ERI1: variants seen among roughly 807,000 people sequenced by gnomAD.
The protein encoded by ERI1 is 3'-5' exoribonuclease 1.
In ERI1, 39 loss-of-function variants were observed where a neutral mutation model predicts 39.7. The observed-to-expected ratio is 0.98, with a 90% CI of 0.76 to 1.28. ERI1 has a LOEUF of 1.28. ERI1 is among the 50% of genes most tolerant of loss of function. The probability of loss-of-function intolerance (pLI) is 0.00; values close to 1 mark genes in which losing one functional copy is unlikely to be tolerated. For missense variants in ERI1, 581 were observed against 416.9 expected (o/e 1.39, Z -3.43); for synonymous variants, 204 against 149.6 (o/e 1.36, Z -2.65).
At chr8:9,011,796 A>T (rs199637353) in intron 3 of ERI1, 44 bp downstream of exon 3, 13 of 1,452,672 alleles carry the variant, frequency 8.9e-6, no homozygotes, top group Non-Finnish European at 1.2e-5. Context: ...AGCAGCAACT[A>T]TTCTGGTGTT....
chr8:9,008,122 G>C lies in ERI1; in HGVS notation c.261G>C (p.Lys87Asn). The part of the protein sequence containing the change: ...NRMSKEELRA[K>N]LSEFKLETRG... ...TGAGTAAGGAAGAACTCAGAGCTAA[G>C]CTTTCAGAATTCAAGCTTGAAACTA... The change falls in exon 2 of 7, where the codon AAG (lysine) becomes AAC (asparagine). Residue 87 changes from lysine (K) to asparagine (N), a missense_variant. By Grantham distance (94) the Lys-to-Asn change is moderately conservative (BLOSUM62 0). Coordinates refer to ENST00000250263, the MANE Select transcript of ERI1 (RefSeq NM_153332.4). 1 of 1,595,780 alleles carries C rather than the reference G, an allele frequency of 6.3e-7. No individual in the cohort carries two copies. Among genetic ancestry groups the C allele is most frequent in the South Asian group, 1.2e-5 (1 of 86,660 alleles).
In ERI1 at chr8:9,091,016, A is replaced by G. The variant is rs146933299; in HGVS notation, n.300-25332A>G. On this transcript the variant is annotated intron_variant and non_coding_transcript_variant, in intron 3 of 3. Coordinates refer to the ERI1 transcript ENST00000518663. ...GTTCAGAATTCAGCAAGGGACACCA[A>G]TGATCTTCTGAAAATATTTTTTTCC... 2.0e-4 allele frequency among the ~76,000 whole-genome samples: 31 copies of G among 152,372 alleles called. No homozygotes were observed. The East Asian group carries it at 5.4e-3, about 26-fold the overall frequency.
At chr8:9,028,196 G>C (rs1403132636) in intron 6 of ERI1, among the ~76,000 whole-genome samples, 2 of 152,168 alleles carry the variant, frequency 1.3e-5, no homozygotes, top group Admixed American at 1.3e-4. Context: ...AAGCTATCTG[G>C]TTCAGCGCTT....
At chr8:9,089,843 G>A (rs1799649286) in intron 3 of ERI1, among the ~76,000 whole-genome samples, 1 of 152,164 alleles carries the variant, frequency 6.6e-6, no homozygotes. Context: ...TGGCAGGATG[G>A]GTTCAGGTGC....
intron 3 of ERI1, among the ~76,000 whole-genome samples, chr8:9,059,557 TGGC>T (rs1284760224): frequency 6.6e-6 from 1 of 152,118 alleles, no homozygotes; most frequent in African/African-American, 2.4e-5. Flanking sequence ...TTATTGATGA[TGGC>T]CTAGATACAA....
At chr8:9,091,916 GA>G (rs1312557881) in intron 3 of ERI1, among the ~76,000 whole-genome samples, 3 of 152,206 alleles carry the variant, frequency 2.0e-5, no homozygotes, top group Admixed American at 6.5e-5. Context: ...GTGGATGTTG[GA>G]AAGAGCTTTC....
At position 9,007,986 on chromosome 8, in the gene ERI1, A is replaced by G. The variant is rs1408822418; in HGVS notation, c.125A>G (p.Lys42Arg). The G allele has an allele frequency of 2.3e-6, 3 of 1,278,044 alleles. No homozygotes were observed. The African/African-American group carries it at 5.1e-5, about 22-fold the overall frequency. 79.2% of individuals were successfully genotyped at this position (1,278,044 alleles called of 1,614,324 possible). Residue 42 changes from lysine (K) to arginine (R), a missense_variant, in exon 2 of 7, where the codon AAA (lysine) becomes AGA (arginine). Coordinates refer to ENST00000250263, the MANE Select transcript of ERI1 (RefSeq NM_153332.4). ...TTTTGGTAGGAAACTCAACAGTGTAAATTTGATGGCCAGGAGACAAAAGGA... is the reference window on the plus strand; with the variant it reads ...TTTTGGTAGGAAACTCAACAGTGTAGATTTGATGGCCAGGAGACAAAAGGA... The part of the protein sequence containing the change: ...RPSPEETQQC[K>R]FDGQETKGSK...
At chr8:9,084,539 C>A (rs1443710763) in intron 3 of ERI1, among the ~76,000 whole-genome samples, 3 of 152,152 alleles carry the variant, frequency 2.0e-5, no homozygotes, top group Admixed American at 2.0e-4. Flanking sequence ...ACAGCTCAGA[C>A]ACTCAACTTC....
At chr8:9,028,973 GTTTT>G (rs34569795) in intron 6 of ERI1, among the ~76,000 whole-genome samples, 4 of 113,088 alleles carry the variant, frequency 3.5e-5, no homozygotes, top group African/African-American at 3.3e-5. Flanking sequence ...GAGTGTGAGA[GTTTT>G]TTTTTTTTTT....
chr8:9,068,386 C>T (rs989133992), intron 3 of ERI1, among the ~76,000 whole-genome samples: 25 of 152,142 alleles, frequency 1.6e-4, no homozygotes, highest in African/African-American at 5.8e-4. Context: ...GCCCAAGCTG[C>T]AGTGCAGTGG....
At chr8:9,057,041 C>T (rs1798529928) in intron 3 of ERI1, among the ~76,000 whole-genome samples, 1 of 152,168 alleles carries the variant, frequency 6.6e-6, no homozygotes, top group Non-Finnish European at 1.5e-5. Context: ...ACACGTTGGC[C>T]AGGCTGATCT....
At chr8:9,029,601 G>C (rs1450808719) in intron 6 of ERI1, among the ~76,000 whole-genome samples, 191 bp from the exon 7 acceptor site, 1 of 152,240 alleles carries the variant, frequency 6.6e-6, no homozygotes, top group African/African-American at 2.4e-5. Flanking sequence ...AAAGTGCTGA[G>C]ATTACAGGCG....
At chr8:9,089,943 C>T (rs985576830) in intron 3 of ERI1, among the ~76,000 whole-genome samples, 2 of 151,966 alleles carry the variant, frequency 1.3e-5, no homozygotes, top group African/African-American at 2.4e-5. Context: ...TCCAAGAGAA[C>T]GGCTCCTGAC....
intron 3 of ERI1, among the ~76,000 whole-genome samples, chr8:9,013,524 C>T (rs540313868): frequency 3.9e-5 from 6 of 151,994 alleles, no homozygotes; most frequent in Non-Finnish European, 8.8e-5. Context: ...TCCTAGCCCC[C>T]GTTCTCTGCT....
chr8:9,048,039 G>T (rs1489613501), intron 3 of ERI1, among the ~76,000 whole-genome samples: 2 of 152,198 alleles, frequency 1.3e-5, no homozygotes, highest in Non-Finnish European at 2.9e-5. Context: ...GGAAAGCCAG[G>T]ACTTGAACCT....
intron 3 of ERI1, among the ~76,000 whole-genome samples, chr8:9,050,555 A>G (rs955265062): frequency 1.3e-5 from 2 of 152,144 alleles, no homozygotes; most frequent in African/African-American, 4.8e-5. Flanking sequence ...CTAGAACAGA[A>G]AAAGAGATTT....
chr8:9,063,576 G>T (rs925139815), intron 3 of ERI1, among the ~76,000 whole-genome samples: 9 of 152,116 alleles, frequency 5.9e-5, no homozygotes, highest in African/African-American at 2.2e-4. Context: ...AAGACTCAGC[G>T]ATGCTTGGGG....
At chr8:9,073,516 G>A (rs915357313) in intron 3 of ERI1, among the ~76,000 whole-genome samples, 4 of 152,072 alleles carry the variant, frequency 2.6e-5, no homozygotes, top group Non-Finnish European at 5.9e-5. Context: ...GTAGAATTTT[G>A]GTGAGTTTTC....
downstream of ERI1, among the ~76,000 whole-genome samples, chr8:9,036,528 A>G (rs1216500549): frequency 1.3e-5 from 2 of 152,150 alleles, no homozygotes; most frequent in South Asian, 2.1e-4. Context: ...TTCATAGACT[A>G]TTGTTTAAAT....
Sources: gnomAD v4.1 joint callset for allele counts (sites outside exome capture counted in the v4.1 genomes callset) on GRCh38, gnomAD v4.1.1 for gene constraint, MANE v1.5 for transcripts, NCBI Gene and HGNC (gene_info 2026-07-23, HGNC 2026-07-21) for gene names.